The following ZCCHC7 variants were observed in gnomAD, a reference collection of about 807,000 sequenced individuals.
ZCCHC7 encodes the protein zinc finger CCHC domain-containing protein 7.
Under a neutral mutation model 52.0 loss-of-function variants are expected in ZCCHC7, and 35 were observed. The observed-to-expected ratio is 0.67, with a 90% CI of 0.51 to 0.89. ZCCHC7 has a LOEUF of 0.89. ZCCHC7 is among the 40% of genes least tolerant of loss of function. The pLI, the probability that ZCCHC7 is intolerant of heterozygous loss-of-function variation, is 0.00. For synonymous variants in ZCCHC7, 217 were observed against 221.5 expected, an observed-to-expected ratio of 0.98 and a Z score of 0.18; for missense variants, 574 against 649.1, an observed-to-expected ratio of 0.88 and a Z score of 1.26.
At chr9:37,331,781 C>T (rs925586098) in intron 6 of ZCCHC7, among the ~76,000 whole-genome samples, 1 of 151,410 alleles carries the variant, frequency 6.6e-6, no homozygotes, top group African/African-American at 2.4e-5. Flanking sequence ...CTGAGAGGTC[C>T]TTGGCTACAT....
At chr9:37,201,443 G>A (rs1003766653) in intron 2 of ZCCHC7, among the ~76,000 whole-genome samples, 3 of 152,116 alleles carry the variant, frequency 2.0e-5, no homozygotes, top group African/African-American at 7.2e-5. Context: ...TACGGCTAAG[G>A]AGCTGTTTTA....
chr9:37,163,385 CAAAAAAAAAA>C (rs1022187626), intron 2 of ZCCHC7, among the ~76,000 whole-genome samples: 1 of 77,172 alleles, frequency 1.3e-5, no homozygotes, highest in Non-Finnish European at 2.6e-5. Context: ...GACTCCATCT[CAAAAAAAAAA>C]AAAAAAAAAG....
intron 5 of ZCCHC7, chr9:37,326,952 T>G (rs1201542301): frequency 6.6e-6 from 1 of 152,136 alleles, no homozygotes; most frequent in Non-Finnish European, 1.5e-5. Flanking sequence ...AACACACTTT[T>G]TGCTCCTGAG....
At chr9:37,181,112 G>A (rs927906075) in intron 2 of ZCCHC7, among the ~76,000 whole-genome samples, 39 of 151,330 alleles carry the variant, frequency 2.6e-4, no homozygotes, top group African/African-American at 8.7e-4. Flanking sequence ...ACTTTGTGTA[G>A]TTTTTTTTTA....
chr9:37,128,056 C>A (rs947558348), intron 2 of ZCCHC7, among the ~76,000 whole-genome samples: 3 of 152,108 alleles, frequency 2.0e-5, no homozygotes, highest in African/African-American at 7.2e-5. Context: ...GTAGTTAGGA[C>A]AGAACAGAAT....
intron 2 of ZCCHC7, among the ~76,000 whole-genome samples, chr9:37,236,831 GT>G (rs1825676194): frequency 6.6e-6 from 1 of 152,108 alleles, no homozygotes; most frequent in Admixed American, 6.5e-5. Flanking sequence ...CATTTTATCA[GT>G]TTCACTCCAG....
chr9:37,275,115 A>T (rs909452813), intron 2 of ZCCHC7, among the ~76,000 whole-genome samples: 2 of 152,198 alleles, frequency 1.3e-5, no homozygotes, highest in African/African-American at 4.8e-5. Flanking sequence ...ACATAGCAAC[A>T]ATTCATGTAA....
chr9:37,269,637 AAAAAAAAAAC>A (rs1827300650), intron 2 of ZCCHC7, among the ~76,000 whole-genome samples: 3 of 149,312 alleles, frequency 2.0e-5, no homozygotes, highest in Non-Finnish European at 3.0e-5. Context: ...AAAAAAAAAA[AAAAAAAAAAC>A]AAAAGAAGTT....
chr9:37,302,482 C>A (rs1425793757), intron 3 of ZCCHC7, among the ~76,000 whole-genome samples: 1 of 152,084 alleles, frequency 6.6e-6, no homozygotes, highest in Non-Finnish European at 1.5e-5. Flanking sequence ...GCCCATATGG[C>A]CTGGTACCAC....
At chr9:37,188,568 C>A (rs1282839117) in intron 2 of ZCCHC7, among the ~76,000 whole-genome samples, 1 of 69,352 alleles carries the variant, frequency 1.4e-5, no homozygotes, top group African/African-American at 5.9e-5. Flanking sequence ...CCCCTACCCT[C>A]CCCCCTCACC....
At chr9:37,184,551 T>C (rs1822547578) in intron 2 of ZCCHC7, among the ~76,000 whole-genome samples, 1 of 152,194 alleles carries the variant, frequency 6.6e-6, no homozygotes, top group African/African-American at 2.4e-5. Context: ...ATTTTTCTCT[T>C]TTGTACTTGG....
At chr9:37,260,225 G>C (rs1826800069) in intron 2 of ZCCHC7, among the ~76,000 whole-genome samples, 1 of 152,206 alleles carries the variant, frequency 6.6e-6, no homozygotes, top group Non-Finnish European at 1.5e-5. Context: ...GCTTTCCACT[G>C]TATATCCCCA....
intron 2 of ZCCHC7, among the ~76,000 whole-genome samples, chr9:37,204,952 A>C (rs1823825911): frequency 6.6e-6 from 1 of 152,204 alleles, no homozygotes; most frequent in African/African-American, 2.4e-5. Flanking sequence ...TGTGTCCCCC[A>C]AAGGTCATGT....
intron 2 of ZCCHC7, among the ~76,000 whole-genome samples, chr9:37,136,381 T>C (rs1397548315): frequency 6.6e-6 from 1 of 152,214 alleles, no homozygotes; most frequent in Non-Finnish European, 1.5e-5. Context: ...AAACATGAGC[T>C]TATAGCTTCC....
intron 6 of ZCCHC7, among the ~76,000 whole-genome samples, chr9:37,340,500 A>C (rs1242925174): frequency 6.6e-6 from 1 of 152,054 alleles, no homozygotes; most frequent in East Asian, 1.9e-4. Flanking sequence ...ATTTTGACTT[A>C]AAAAAGTTCA....
intron 2 of ZCCHC7, among the ~76,000 whole-genome samples, chr9:37,254,971 C>CCTT (rs559604971): frequency 6.6e-6 from 1 of 150,566 alleles, no homozygotes; most frequent in Non-Finnish European, 1.5e-5. Context: ...ACTGCTGATG[C>CCTT]CTTATAACTA....
intron 3 of ZCCHC7, among the ~76,000 whole-genome samples, chr9:37,303,665 T>C (rs1251140943): frequency 7.5e-6 from 1 of 133,352 alleles, no homozygotes; most frequent in Non-Finnish European, 1.6e-5. Context: ...CTTTTTTTTT[T>C]TTTTTTTTTT....
At chr9:37,289,749 G>A (rs1349220549) in intron 2 of ZCCHC7, among the ~76,000 whole-genome samples, 1 of 151,948 alleles carries the variant, frequency 6.6e-6, no homozygotes, top group Non-Finnish European at 1.5e-5. Context: ...GGCCTACAAA[G>A]CCCTTCATAA....
At chr9:37,186,276 T>C (rs1822649813) in intron 2 of ZCCHC7, among the ~76,000 whole-genome samples, 1 of 152,162 alleles carries the variant, frequency 6.6e-6, no homozygotes, top group South Asian at 2.1e-4. Context: ...ATCTTGAAAT[T>C]TGGGGCAAGA....
Sources: allele counts gnomAD v4.1 joint callset (sites outside exome capture counted in the v4.1 genomes callset), GRCh38; gene constraint gnomAD v4.1.1; transcripts MANE v1.5; gene names NCBI Gene and HGNC (gene_info 2026-07-23, HGNC 2026-07-21).